Variants in S100Z observed in about 807,000 individuals in gnomAD.
S100Z encodes the protein protein S100-Z.
In S100Z, 11 loss-of-function variants were observed where a neutral mutation model predicts 8.5. The observed-to-expected ratio is 1.30, with a 90% confidence interval of 0.82 to 2.15. S100Z has a LOEUF of 2.15. Ranked by LOEUF, S100Z falls within the 30% of genes most tolerant of loss-of-function variation. S100Z has a pLI of 0.00. For missense variants in S100Z, 126 were observed against 117.9 expected, an observed-to-expected ratio of 1.07 and a Z score of -0.32; for synonymous variants, 34 against 43.8, an observed-to-expected ratio of 0.78 and a Z score of 0.89.
At chr5:76,884,219 C>T (rs889696356) in intron 4 of S100Z, among the ~76,000 whole-genome samples, 3 of 152,204 alleles carry the variant, frequency 2.0e-5, no homozygotes, top group Admixed American at 6.5e-5. Context: ...GCTGGGCTTT[C>T]GTCTTTACCT....
chr5:76,888,896 C>T (rs559395637), intron 4 of S100Z, among the ~76,000 whole-genome samples: 3 of 152,330 alleles, frequency 2.0e-5, no homozygotes, highest in African/African-American at 7.2e-5. Context: ...GTCCACCAAA[C>T]ATGGTGATTC....
intron 1 of S100Z, among the ~76,000 whole-genome samples, chr5:76,853,353 C>T (rs1169679868): frequency 2.0e-5 from 3 of 152,142 alleles, no homozygotes; most frequent in African/African-American, 7.2e-5. Flanking sequence ...ATCTTGGGCC[C>T]TTGATAGCAT....
At chr5:76,880,157 T>C (rs1238639472) in intron 4 of S100Z, among the ~76,000 whole-genome samples, 1 of 152,106 alleles carries the variant, frequency 6.6e-6, no homozygotes, top group Non-Finnish European at 1.5e-5. Context: ...GTGGGGGAGA[T>C]TACAAAGTAC....
chr5:76,895,048 CTT>C (rs932762026), intron 4 of S100Z, among the ~76,000 whole-genome samples: 1 of 152,106 alleles, frequency 6.6e-6, no homozygotes, highest in Non-Finnish European at 1.5e-5. Context: ...ACTGTAGTGT[CTT>C]TTTCTCTGAG....
At chr5:76,935,817 C>A in the S100Z span, among the ~76,000 whole-genome samples, 1 of 151,300 alleles carries the variant, frequency 6.6e-6, no homozygotes, top group African/African-American at 2.4e-5. Context: ...CCAGTTGTCA[C>A]CCAGGCTGAA....
chr5:76,927,212 T>G, the S100Z span, among the ~76,000 whole-genome samples: 1 of 152,228 alleles, frequency 6.6e-6, no homozygotes, highest in Non-Finnish European at 1.5e-5. Flanking sequence ...CTTTCTGTGC[T>G]CTGGGGGAGA....
chr5:76,889,856 C>T (rs1348760654), intron 4 of S100Z, among the ~76,000 whole-genome samples: 5 of 152,174 alleles, frequency 3.3e-5, no homozygotes. Flanking sequence ...ATTCAAGGAC[C>T]ATCTCTGAAT....
At chr5:76,850,617 G>A (rs1165968320) in intron 1 of S100Z, among the ~76,000 whole-genome samples, 2 of 152,132 alleles carry the variant, frequency 1.3e-5, no homozygotes, top group East Asian at 3.9e-4. Flanking sequence ...AGATGCCAGT[G>A]TAAGCCCACT....
At position 76,854,038 on chromosome 5, in the gene S100Z, G is replaced by A. The variant is rs998692322; in HGVS notation, c.-176+3883G>A. Reference sequence around the variant, plus strand: ...CCTTTGCCTTCTGCCATGATCGAAAGTTTCCTGAGGCCTCCCCAGAAGCCA... The same window carrying A: ...CCTTTGCCTTCTGCCATGATCGAAAATTTCCTGAGGCCTCCCCAGAAGCCA... On this transcript the variant is annotated intron_variant, in intron 1 of 4. Transcript: ENST00000317593. Among the ~76,000 whole-genome samples, 4 of 152,276 alleles carry A rather than the reference G, an allele frequency of 2.6e-5. No homozygotes were observed. In the South Asian group the frequency reaches 8.3e-4, roughly 32 times the overall value.
At chr5:76,872,643 G>A (rs188926146) in intron 2 of S100Z, among the ~76,000 whole-genome samples, 1 of 151,872 alleles carries the variant, frequency 6.6e-6, no homozygotes, top group East Asian at 1.9e-4. Flanking sequence ...ATGGGTGACA[G>A]AGCAAGACTC....
the S100Z span, among the ~76,000 whole-genome samples, chr5:76,947,410 G>A: frequency 4.6e-5 from 7 of 152,122 alleles, no homozygotes; most frequent in African/African-American, 7.2e-5. Flanking sequence ...TATGTGCTTC[G>A]TTTCTTCCTT....
chr5:76,856,041 TCTTCCTCCTC>T (rs1255045636), intron 1 of S100Z, among the ~76,000 whole-genome samples: 1 of 152,128 alleles, frequency 6.6e-6, no homozygotes, highest in South Asian at 2.1e-4. Context: ...CCCCTCTCTT[TCTTCCTCCTC>T]CTTCCTCCTC....
intron 4 of S100Z, among the ~76,000 whole-genome samples, chr5:76,919,343 G>A (rs1311842708): frequency 6.6e-6 from 1 of 152,318 alleles, no homozygotes. Flanking sequence ...CACATCCATG[G>A]CAGCATTTGG....
chr5:76,878,171 C>T (rs1743267929), intron 4 of S100Z: 1 of 162,630 alleles, frequency 6.1e-6, no homozygotes, highest in African/African-American at 2.4e-5. Flanking sequence ...ACATTCATAT[C>T]CTTAAATTGT....
At chr5:76,908,998 C>T (rs1744553197) in intron 4 of S100Z, among the ~76,000 whole-genome samples, 1 of 152,142 alleles carries the variant, frequency 6.6e-6, no homozygotes, top group Non-Finnish European at 1.5e-5. Context: ...TTCTTTGGTC[C>T]TCCTTGTGGT....
chr5:76,943,878 C>T, the S100Z span, among the ~76,000 whole-genome samples: 4 of 152,218 alleles, frequency 2.6e-5, no homozygotes, highest in South Asian at 8.3e-4. Flanking sequence ...AGAATGGGGC[C>T]CGAGGCAAAA....
the S100Z span, among the ~76,000 whole-genome samples, chr5:76,937,052 G>A: frequency 6.6e-6 from 1 of 152,152 alleles, no homozygotes; most frequent in African/African-American, 2.4e-5. Context: ...CTTATGCTCA[G>A]CAAATCCCGG....
chr5:76,901,833 GC>G (rs1229228594), intron 4 of S100Z, among the ~76,000 whole-genome samples: 1 of 151,990 alleles, frequency 6.6e-6, no homozygotes, highest in Non-Finnish European at 1.5e-5. Context: ...CCTGAAGCCA[GC>G]AAGTCTCAGC....
At chr5:76,909,367 A>G (rs577236177) in intron 4 of S100Z, among the ~76,000 whole-genome samples, 5 of 152,256 alleles carry the variant, frequency 3.3e-5, no homozygotes, top group African/African-American at 9.6e-5. Context: ...TCTCTCTCTG[A>G]TGGGGAAAAA....
Sources: allele counts gnomAD v4.1 joint callset (sites outside exome capture counted in the v4.1 genomes callset), GRCh38; gene constraint gnomAD v4.1.1; transcripts MANE v1.5; gene names NCBI Gene and HGNC (gene_info 2026-07-23, HGNC 2026-07-21).